Variants in TUSC3 observed in about 807,000 individuals in gnomAD.
TUSC3 encodes the protein tumor suppressor candidate 3.
In TUSC3, 45 loss-of-function variants were observed where a neutral mutation model predicts 44.8. The ratio of observed to expected loss-of-function variants is 1.00; its 90% CI spans 0.79 to 1.29. TUSC3 has a LOEUF of 1.29. Ranked by LOEUF, TUSC3 falls within the 50% of genes most tolerant of loss-of-function variation. The pLI, the probability that TUSC3 is intolerant of heterozygous loss-of-function variation, is 0.00. For synonymous variants in TUSC3, 212 were observed against 152.9 expected (o/e 1.39, Z -2.85); for missense variants, 519 against 437.9 (o/e 1.19, Z -1.65).
intron 2 of TUSC3, among the ~76,000 whole-genome samples, chr8:15,650,098 A>T (rs1477712869): frequency 2.6e-5 from 4 of 152,208 alleles, no homozygotes; most frequent in Non-Finnish European, 5.9e-5. Context: ...TAGAGAAGGA[A>T]TGTTTGTGGC....
At chr8:15,682,827 A>G (rs1269678697) in intron 6 of TUSC3, among the ~76,000 whole-genome samples, 1 of 122,724 alleles carries the variant, frequency 8.1e-6, no homozygotes, top group Non-Finnish European at 1.8e-5. Context: ...TTTTTTTTGT[A>G]GCTGTTGTAA....
At chr8:15,607,980 A>G (rs6530890) in intron 1 of TUSC3, among the ~76,000 whole-genome samples, 130,150 of 152,206 alleles carry the variant, frequency 0.86, 55,952 homozygotes, top group Non-Finnish European at 0.9. Context: ...TTTGATAAGC[A>G]TGCAGTGATA....
chr8:15,527,822 T>C (rs957868660), intron 2 of TUSC3, among the ~76,000 whole-genome samples: 3 of 152,218 alleles, frequency 2.0e-5, no homozygotes, highest in African/African-American at 7.2e-5. Flanking sequence ...CTTAAAATGC[T>C]TTTTCTGTCA....
At position 15,703,008 on chromosome 8, in the gene TUSC3, A is replaced by C. The variant is rs145990966; in HGVS notation, c.799-27658A>C. Among the ~76,000 whole-genome samples, 289 of 152,260 alleles carry C rather than the reference A, an allele frequency of 1.9e-3. 2 individuals carry two copies. Among genetic ancestry groups the C allele is most frequent in the Non-Finnish European group, 3.1e-3 (209 of 68,006 alleles). ...ACAAAAAACACCACACAGTCGTGCA[A>C]TGGAGGTAGTAGTGAGGCTATCTTC... On this transcript the variant is annotated intron_variant, in intron 6 of 10. Transcript: ENST00000503731.
upstream of TUSC3, among the ~76,000 whole-genome samples, chr8:15,535,645 A>C (rs1344621641): frequency 1.3e-5 from 2 of 152,336 alleles, no homozygotes; most frequent in South Asian, 4.1e-4. Context: ...TATTCTAGAC[A>C]GTATGAATAC....
chr8:15,591,461 G>A (rs556697651), intron 1 of TUSC3, among the ~76,000 whole-genome samples: 1 of 152,250 alleles, frequency 6.6e-6, no homozygotes, highest in South Asian at 2.1e-4. Flanking sequence ...AACAGGCAAT[G>A]TACAAAACTC....
At chr8:15,622,964 C>G (rs747112712) in intron 1 of TUSC3, 116 bp from the exon 2 acceptor site, 3 of 1,056,718 alleles carry the variant, frequency 2.8e-6, no homozygotes, top group African/African-American at 3.2e-5. Flanking sequence ...TTTATCTTTT[C>G]TATAAACTTG....
chr8:15,694,435 C>CAAAAAA (rs146718595), intron 6 of TUSC3, among the ~76,000 whole-genome samples: 2 of 83,230 alleles, frequency 2.4e-5, no homozygotes, highest in Admixed American at 1.5e-4. Context: ...AAACTCCATC[C>CAAAAAA]AAAAAAAAAA....
At chr8:15,679,797 C>G (rs892731698) in intron 6 of TUSC3, among the ~76,000 whole-genome samples, 1 of 152,070 alleles carries the variant, frequency 6.6e-6, no homozygotes, top group Non-Finnish European at 1.5e-5. Flanking sequence ...GAGTTTCATT[C>G]TTTTGCATAT....
the TUSC3 span, among the ~76,000 whole-genome samples, chr8:15,845,411 A>G: frequency 6.6e-6 from 1 of 152,220 alleles, no homozygotes. Context: ...TTGTATTAAC[A>G]TGCATATGTG....
chr8:15,716,648 G>T (rs570022846), intron 6 of TUSC3, among the ~76,000 whole-genome samples: 2 of 152,094 alleles, frequency 1.3e-5, no homozygotes, highest in Admixed American at 1.3e-4. Context: ...CTAATAATAT[G>T]TACTAACTAC....
At chr8:15,472,475 C>T (rs566096508) in intron 1 of TUSC3, among the ~76,000 whole-genome samples, 6 of 152,216 alleles carry the variant, frequency 3.9e-5, no homozygotes, top group South Asian at 2.1e-4. Context: ...TATCTCTGGC[C>T]GTTTCTTCCA....
rs1302384842 is a variant in TUSC3, at chr8:15,613,313, T to A, written c.139-9767T>A. On this transcript the variant is annotated intron_variant, in intron 1 of 10. Coordinates refer to ENST00000503731, the MANE Select transcript of TUSC3 (RefSeq NM_006765.4). Reference sequence around the variant, plus strand: ...TTAGGTAACTCTGAGATTGAAGGTATTAATGAGATTTAAAAAATTCCCACT... The same window carrying A: ...TTAGGTAACTCTGAGATTGAAGGTAATAATGAGATTTAAAAAATTCCCACT... Among the ~76,000 whole-genome samples, 4 of 152,142 alleles carry A rather than the reference T, an allele frequency of 2.6e-5. No individual in the cohort carries two copies. In the East Asian group the frequency reaches 7.7e-4, roughly 29 times the overall value.
At chr8:15,796,026 C>A in the TUSC3 span, among the ~76,000 whole-genome samples, 1 of 152,108 alleles carries the variant, frequency 6.6e-6, no homozygotes, top group South Asian at 2.1e-4. Flanking sequence ...TTGTGCCATA[C>A]CCCAAACAAT....
At chr8:15,851,386 T>C in the TUSC3 span, among the ~76,000 whole-genome samples, 3 of 152,188 alleles carry the variant, frequency 2.0e-5, no homozygotes, top group African/African-American at 7.2e-5. Flanking sequence ...CCATAAAGTA[T>C]AACGATGCGA....
intron 6 of TUSC3, among the ~76,000 whole-genome samples, chr8:15,698,727 A>T (rs947154309): frequency 3.3e-5 from 5 of 152,132 alleles, no homozygotes; most frequent in African/African-American, 1.2e-4. Flanking sequence ...TACATATTTG[A>T]CTTTGATACA....
At chr8:15,605,224 G>C (rs556345167) in intron 1 of TUSC3, among the ~76,000 whole-genome samples, 3 of 151,972 alleles carry the variant, frequency 2.0e-5, no homozygotes, top group African/African-American at 4.8e-5. Context: ...GAAGCACAGA[G>C]TAACTCATGC....
chr8:15,729,629 A>G lies in TUSC3; in HGVS notation c.799-1037A>G, dbSNP rs28710413. On this transcript the variant is annotated intron_variant, in intron 6 of 10. Transcript: ENST00000503731. The stretch of plus-strand genomic sequence containing the variant: ...ATGCAGTAACAGAAAACCAAGTACC[A>G]CATCTTAACTTGTAAGTAGTAGCTA... Among the ~76,000 whole-genome samples the G allele has an allele frequency of 3.2e-3, 480 of 152,288 alleles. 6 individuals are homozygous for G. The highest frequency in any genetic ancestry group is 0.011 in the African/African-American group (464 of 41,554).
chr8:15,770,894 T>C (rs1380424841), downstream of TUSC3, among the ~76,000 whole-genome samples: 1 of 152,116 alleles, frequency 6.6e-6, no homozygotes. Context: ...AAAAAAGACA[T>C]GAAGCCAATA....
Sources: allele counts gnomAD v4.1 joint callset (sites outside exome capture counted in the v4.1 genomes callset), GRCh38; gene constraint gnomAD v4.1.1; transcripts MANE v1.5; gene names NCBI Gene and HGNC (gene_info 2026-07-23, HGNC 2026-07-21).